OXR1: variants seen among roughly 807,000 people sequenced by gnomAD.
OXR1 encodes the protein oxidation resistance protein 1.
OXR1 carries 41 observed loss-of-function variants against 104.6 expected under a neutral mutation model. That is an observed-to-expected ratio of 0.39 (90% confidence interval 0.31 to 0.51). The LOEUF (loss-of-function observed/expected upper bound fraction) is 0.51, where lower values mean the gene tolerates loss of function less well. OXR1 is among the 20% of genes least tolerant of loss of function. The probability of loss-of-function intolerance (pLI) is 0.77; values close to 1 mark genes in which losing one functional copy is unlikely to be tolerated. For missense variants in OXR1, 955 were observed against 1,031.9 expected, an observed-to-expected ratio of 0.93 and a Z score of 1.02; for synonymous variants, 348 against 348.4, an observed-to-expected ratio of 1.00 and a Z score of 0.01.
At chr8:106,699,051 G>T (rs1437319641) in intron 7 of OXR1, among the ~76,000 whole-genome samples, 3 of 152,048 alleles carry the variant, frequency 2.0e-5, no homozygotes, top group Non-Finnish European at 4.4e-5. Flanking sequence ...TGATCACTTG[G>T]TAATGGCTTG....
At chr8:106,653,081 A>ATATAT (rs374747254) in intron 3 of OXR1, among the ~76,000 whole-genome samples, 14,829 of 121,016 alleles carry the variant, frequency 0.12, 837 homozygotes, top group East Asian at 0.3. Context: ...GAAAAAAAAA[A>ATATAT]AAATATATAT....
intron 2 of OXR1, among the ~76,000 whole-genome samples, chr8:106,439,315 C>G (rs1256745280): frequency 6.6e-6 from 1 of 151,976 alleles, no homozygotes; most frequent in Non-Finnish European, 1.5e-5. Flanking sequence ...AAGAAGGTAT[C>G]TCTCTGGAAA....
intron 3 of OXR1, among the ~76,000 whole-genome samples, chr8:106,604,005 A>G (rs570150647): frequency 1.1e-4 from 16 of 152,310 alleles, no homozygotes; most frequent in Admixed American, 2.6e-4. Flanking sequence ...GTGAGCCGAG[A>G]TAGTGCCACT....
At chr8:106,480,019 A>C (rs904119812) in intron 2 of OXR1, among the ~76,000 whole-genome samples, 1 of 151,952 alleles carries the variant, frequency 6.6e-6, no homozygotes, top group Non-Finnish European at 1.5e-5. Context: ...TATTACAAGC[A>C]TTTTGCAACT....
chr8:106,747,321 C>G (rs961079915), intron 16 of OXR1, among the ~76,000 whole-genome samples: 6 of 152,194 alleles, frequency 3.9e-5, no homozygotes, highest in African/African-American at 1.4e-4. Flanking sequence ...TTGTGCAAAT[C>G]CTAGTATAGT....
At chr8:106,363,058 T>C (rs1222783599) in intron 2 of OXR1, among the ~76,000 whole-genome samples, 1 of 152,226 alleles carries the variant, frequency 6.6e-6, no homozygotes, top group Non-Finnish European at 1.5e-5. Context: ...GGACAGCATC[T>C]TGTGGAGGTG....
At chr8:106,392,864 A>G (rs968042252) in intron 2 of OXR1, among the ~76,000 whole-genome samples, 1 of 152,204 alleles carries the variant, frequency 6.6e-6, no homozygotes, top group African/African-American at 2.4e-5. Context: ...TACCAACTCA[A>G]TGACATTGAA....
chr8:106,523,919 C>T (rs529308372), intron 3 of OXR1, among the ~76,000 whole-genome samples: 123 of 152,072 alleles, frequency 8.1e-4, no homozygotes, highest in African/African-American at 2.7e-3. Context: ...GGACTACAGG[C>T]GCCCACCACC....
chr8:106,404,813 G>C (rs1275796637), intron 2 of OXR1, among the ~76,000 whole-genome samples: 3 of 151,654 alleles, frequency 2.0e-5, no homozygotes, highest in African/African-American at 7.3e-5. Context: ...TCATGCCTTT[G>C]TCCTGCCTCA....
rs1563773398 is a variant in OXR1 at position 106,750,319 on chromosome 8, C to CTTTCTTTTTTTTTT, written c.2487-484_2487-483insCTTTTTTTTTTTTT. 1.0e-4 allele frequency among the ~76,000 whole-genome samples: 7 copies of CTTTCTTTTTTTTTT among 68,282 alleles called. 1 individual carries two copies. Among genetic ancestry groups the CTTTCTTTTTTTTTT allele is most frequent in the Admixed American group, 1.9e-4 (1 of 5,390 alleles). The allele number at this position is 68,282 out of a possible 152,430, so 44.8% of individuals were successfully genotyped here. ...ATAAATAATTTTTTTCTTTTCTTTTCTTTTCTTTTTTTTTTTTTTTTTTGA... is the reference window on the plus strand; with the variant it reads ...ATAAATAATTTTTTTCTTTTCTTTTCTTTCTTTTTTTTTTTTTTCTTTTTTTTTTTTTTTTTTGA... On this transcript the variant is annotated intron_variant, in intron 16 of 16. Coordinates refer to ENST00000517566, the MANE Select transcript of OXR1 (RefSeq NM_001198533.2).
intron 2 of OXR1, among the ~76,000 whole-genome samples, chr8:106,505,386 A>C (rs1259578287): frequency 6.6e-6 from 1 of 152,198 alleles, no homozygotes; most frequent in Non-Finnish European, 1.5e-5. Context: ...ACTGTATTGG[A>C]TACATAAAAG....
At chr8:106,693,810 A>G (rs550597969) in intron 7 of OXR1, among the ~76,000 whole-genome samples, 1 of 152,270 alleles carries the variant, frequency 6.6e-6, no homozygotes, top group South Asian at 2.1e-4. Context: ...TAGTAAAGTA[A>G]TAGAGTTGGA....
intron 1 of OXR1, among the ~76,000 whole-genome samples, chr8:106,350,388 T>C (rs2130305209): frequency 6.6e-6 from 1 of 152,330 alleles, no homozygotes; most frequent in South Asian, 2.1e-4. Flanking sequence ...TGTTTAGTTC[T>C]CTGGCTATGG....
intron 3 of OXR1, among the ~76,000 whole-genome samples, chr8:106,627,906 T>G (rs767218641): frequency 6.6e-6 from 1 of 152,140 alleles, no homozygotes; most frequent in Non-Finnish European, 1.5e-5. Context: ...TCTGTATGAT[T>G]GCACTTAGCA....
At chr8:106,727,502 T>C (rs1587259451) in intron 11 of OXR1, among the ~76,000 whole-genome samples, 1 of 152,166 alleles carries the variant, frequency 6.6e-6, no homozygotes, top group Non-Finnish European at 1.5e-5. Context: ...CACTTCAACC[T>C]GGGCTCCTGG....
At chr8:106,656,102 A>G (rs1825044517) in intron 3 of OXR1, 1 of 152,232 alleles carries the variant, frequency 6.6e-6, no homozygotes. Flanking sequence ...TTTGATTTTT[A>G]AAACTTACCG....
chr8:106,695,617 A>C (rs1039877878), intron 7 of OXR1, among the ~76,000 whole-genome samples: 3 of 151,904 alleles, frequency 2.0e-5, no homozygotes, highest in African/African-American at 7.3e-5. Context: ...AGGGGGTTTT[A>C]CCATGTTGGC....
chr8:106,273,127 C>A (rs889145661), intron 1 of OXR1, among the ~76,000 whole-genome samples: 4 of 151,818 alleles, frequency 2.6e-5, no homozygotes, highest in African/African-American at 9.7e-5. Context: ...GGTTCCTGGT[C>A]CTTAAGTGGA....
intron 2 of OXR1, among the ~76,000 whole-genome samples, chr8:106,362,530 C>T (rs1816290602): frequency 6.6e-6 from 1 of 151,956 alleles, no homozygotes; most frequent in East Asian, 1.9e-4. Flanking sequence ...ATAATTTAGC[C>T]ATTTCATGTA....
Sources: gnomAD v4.1 joint callset for allele counts (sites outside exome capture counted in the v4.1 genomes callset) on GRCh38, gnomAD v4.1.1 for gene constraint, MANE v1.5 for transcripts, NCBI Gene and HGNC (gene_info 2026-07-23, HGNC 2026-07-21) for gene names.